Variants in LRRTM4 observed in about 807,000 individuals in gnomAD.
LRRTM4 encodes leucine rich repeat transmembrane neuronal 4, also known as leucine-rich repeat transmembrane neuronal protein 4.
A neutral mutation model predicts 47.6 loss-of-function variants in LRRTM4; 25 were observed. The ratio of observed to expected loss-of-function variants is 0.53; its 90% CI spans 0.38 to 0.73. LRRTM4 has a LOEUF of 0.73. LRRTM4 is among the 30% of genes least tolerant of loss of function. The pLI, the probability that LRRTM4 is intolerant of heterozygous loss-of-function variation, is 0.00. For missense variants in LRRTM4, 638 were observed against 713.4 expected, an observed-to-expected ratio of 0.89 and a Z score of 1.20; for synonymous variants, 311 against 269.5, an observed-to-expected ratio of 1.15 and a Z score of -1.51.
intron 3 of LRRTM4, among the ~76,000 whole-genome samples, chr2:77,021,106 C>G (rs62170874): frequency 6.4e-4 from 75 of 117,486 alleles, no homozygotes; most frequent in African/African-American, 2.3e-3. Context: ...ATCTATCTAT[C>G]TATGTATCTA....
chr2:77,387,509 G>C (rs78385405), intron 3 of LRRTM4, among the ~76,000 whole-genome samples: 3,002 of 152,172 alleles, frequency 0.02, 47 homozygotes, highest in South Asian at 0.034. Context: ...CAGTTGTCAT[G>C]CAAATCCAGT....
In LRRTM4 at chr2:77,501,383, A is replaced by C. The variant is rs1490049996; in HGVS notation, c.1551+16935T>G. Reference sequence around the variant, plus strand: ...ATATAAATATAATGCATAAAATGTTAATGTATGTATCCATAAGTAACTACT... The same window carrying C: ...ATATAAATATAATGCATAAAATGTTCATGTATGTATCCATAAGTAACTACT... On this transcript the variant is annotated intron_variant, in intron 3 of 3. Coordinates refer to ENST00000409884, the MANE Select transcript of LRRTM4 (RefSeq NM_001134745.3). Among the ~76,000 whole-genome samples, 4 of 150,890 alleles carry C rather than the reference A, an allele frequency of 2.7e-5. No homozygotes were observed. The South Asian group carries it at 6.2e-4, about 24-fold the overall frequency.
intron 3 of LRRTM4, among the ~76,000 whole-genome samples, chr2:76,962,844 G>A (rs772764938): frequency 6.6e-6 from 1 of 150,512 alleles, no homozygotes; most frequent in Non-Finnish European, 1.5e-5. Flanking sequence ...CATTTCCAGA[G>A]CATTAAAAAG....
intron 3 of LRRTM4, among the ~76,000 whole-genome samples, chr2:76,824,235 G>A (rs1671131058): frequency 6.6e-6 from 1 of 151,488 alleles, no homozygotes; most frequent in Admixed American, 6.6e-5. Flanking sequence ...GCCTCCGTTT[G>A]TATAATCTTT....
chr2:76,943,747 C>T (rs1245580641), intron 3 of LRRTM4, among the ~76,000 whole-genome samples: 1 of 152,154 alleles, frequency 6.6e-6, no homozygotes, highest in Non-Finnish European at 1.5e-5. Flanking sequence ...ATCTACTTCT[C>T]CTCTATTATG....
intron 3 of LRRTM4, among the ~76,000 whole-genome samples, chr2:77,161,149 G>A (rs145902976): frequency 1.6e-4 from 24 of 152,202 alleles, no homozygotes; most frequent in African/African-American, 5.5e-4. Context: ...CGATAACCCA[G>A]CATTTTTTCC....
Position 77,408,362 on chromosome 2 carries a change from A to G in LRRTM4, c.1551+109956T>C, listed in dbSNP as rs73942710. Among the ~76,000 whole-genome samples the G allele has an allele frequency of 5.5e-3, 843 of 152,280 alleles. 5 individuals are homozygous for G. The highest frequency in any genetic ancestry group is 0.02 in the African/African-American group (813 of 41,562). Reference sequence around the variant, plus strand: ...CTCAATATTTATCATGGTTTAAGATATTTATCTAGACATAATTTTTAGAGA... The same window carrying G: ...CTCAATATTTATCATGGTTTAAGATGTTTATCTAGACATAATTTTTAGAGA... On this transcript the variant is annotated intron_variant, in intron 3 of 3. Transcript: ENST00000409884.
intron 3 of LRRTM4, among the ~76,000 whole-genome samples, chr2:76,778,422 T>C (rs1448508967): frequency 6.8e-6 from 1 of 146,544 alleles, no homozygotes; most frequent in Non-Finnish European, 1.5e-5. Flanking sequence ...CTATTGATTA[T>C]TGCCACAATT....
At chr2:77,009,142 A>G (rs1677775270) in intron 3 of LRRTM4, 1 of 152,086 alleles carries the variant, frequency 6.6e-6, no homozygotes, top group East Asian at 1.9e-4. Context: ...GCACTAAACC[A>G]CTGAATGTTT....
intron 3 of LRRTM4, among the ~76,000 whole-genome samples, chr2:77,056,977 C>T (rs1452174956): frequency 6.6e-6 from 1 of 152,128 alleles, no homozygotes; most frequent in African/African-American, 2.4e-5. Context: ...TCAGGCCTAC[C>T]ACTTGTGGTA....
intron 3 of LRRTM4, among the ~76,000 whole-genome samples, chr2:77,024,560 T>A (rs1300500500): frequency 8.0e-5 from 12 of 149,102 alleles, no homozygotes; most frequent in Admixed American, 6.6e-4. Flanking sequence ...AAGGGAAAAA[T>A]CACATTTTTT....
At chr2:77,490,308 GAAAAAT>G (rs1377350935) in intron 3 of LRRTM4, among the ~76,000 whole-genome samples, 2 of 151,644 alleles carry the variant, frequency 1.3e-5, no homozygotes, top group Non-Finnish European at 2.9e-5. Context: ...AAGACTTGAA[GAAAAAT>G]AAAGAGATAA....
chr2:77,132,873 G>C, intron 3 of LRRTM4, among the ~76,000 whole-genome samples: 1 of 152,238 alleles, frequency 6.6e-6, no homozygotes, highest in South Asian at 2.1e-4. Flanking sequence ...AAAGGGAAAG[G>C]GAAGAAGAAG....
At chr2:77,070,721 C>A (rs1255689989) in intron 3 of LRRTM4, among the ~76,000 whole-genome samples, 4 of 152,108 alleles carry the variant, frequency 2.6e-5, no homozygotes, top group Non-Finnish European at 4.4e-5. Context: ...TCTTCTGCCT[C>A]CCAGGTTCAA....
At chr2:77,380,311 C>G (rs1673000798) in intron 3 of LRRTM4, among the ~76,000 whole-genome samples, 1 of 152,058 alleles carries the variant, frequency 6.6e-6, no homozygotes, top group South Asian at 2.1e-4. Context: ...AGCTAACAGT[C>G]AGTAAAACAT....
intron 3 of LRRTM4, among the ~76,000 whole-genome samples, chr2:77,309,550 G>GT (rs914047271): frequency 6.6e-6 from 1 of 152,132 alleles, no homozygotes; most frequent in African/African-American, 2.4e-5. Flanking sequence ...GGAAAGGCCT[G>GT]TAAGTCCAAT....
intron 3 of LRRTM4, among the ~76,000 whole-genome samples, chr2:76,907,949 T>C (rs1314134061): frequency 1.3e-5 from 2 of 150,236 alleles, no homozygotes; most frequent in South Asian, 2.1e-4. Flanking sequence ...TCTGAAACTA[T>C]TCCAATCAAT....
intron 3 of LRRTM4, among the ~76,000 whole-genome samples, chr2:76,768,767 G>A (rs568755922): frequency 2.6e-5 from 4 of 152,226 alleles, no homozygotes; most frequent in South Asian, 2.1e-4. Context: ...CGAGAACAAA[G>A]ATATTCTCAC....
At chr2:76,851,884 G>C (rs908332676) in intron 3 of LRRTM4, among the ~76,000 whole-genome samples, 1 of 146,764 alleles carries the variant, frequency 6.8e-6, no homozygotes, top group Admixed American at 7.0e-5. Context: ...CTAAAATTTT[G>C]ACCCTATTTG....
Sources: gnomAD v4.1 joint callset for allele counts (sites outside exome capture counted in the v4.1 genomes callset) on GRCh38, gnomAD v4.1.1 for gene constraint, MANE v1.5 for transcripts, NCBI Gene and HGNC (gene_info 2026-07-23, HGNC 2026-07-21) for gene names.